Variants in NEIL2 observed in about 807,000 individuals in gnomAD.
NEIL2 encodes nei like DNA glycosylase 2, also known as endonuclease 8-like 2.
In NEIL2, 23 loss-of-function variants were observed where a neutral mutation model predicts 22.2. That is an observed-to-expected ratio of 1.04 (90% CI 0.75 to 1.47). The LOEUF is 1.47. Ranked by LOEUF, NEIL2 falls within the 40% of genes most tolerant of loss-of-function variation. The pLI is 0.00. For missense variants in NEIL2, 583 were observed against 404.7 expected (o/e 1.44, Z -3.78); for synonymous variants, 229 against 164.8 (o/e 1.39, Z -2.99).
At chr8:11,780,003 C>A in intron 3 of NEIL2, 53 bp downstream of exon 3, 1 of 1,493,858 alleles carries the variant, frequency 6.7e-7, no homozygotes, top group Non-Finnish European at 9.3e-7. Context: ...TAGGGCCCTG[C>A]TTGGTGGGGT....
intron 4 of NEIL2, among the ~76,000 whole-genome samples, chr8:11,785,114 C>G (rs1804781911): frequency 6.6e-6 from 1 of 152,132 alleles, no homozygotes; most frequent in African/African-American, 2.4e-5. Flanking sequence ...TTAAATGATC[C>G]TCCTGCCTCT....
At chr8:11,779,535 T>C in intron 2 of NEIL2, 63 bp from the exon 3 acceptor site, 1 of 1,278,252 alleles carries the variant, frequency 7.8e-7, no homozygotes, top group Non-Finnish European at 1.1e-6. Flanking sequence ...AGGATAAATA[T>C]CCGCATTCCC....
In NEIL2 at chr8:11,770,323, C is replaced by G. The variant is rs1222646060; in HGVS notation, c.-15C>G. On this transcript the variant is annotated 5_prime_UTR_variant, in exon 1 of 5. The change creates a new upstream start codon in the 5' untranslated region. Transcript: ENST00000284503. ...TTCCCCGTAGAAGAGGATCAGGCAT[C>G]CAACTGGTTAAGGTCAGCAGCGTTT... 6.6e-6 allele frequency: 1 copy of G among 152,202 alleles called. No homozygotes were observed. Among genetic ancestry groups the G allele is most frequent in the East Asian group, 1.9e-4 (1 of 5,188 alleles). The allele number at this position is 152,202 out of a possible 1,614,324, so 9.4% of individuals were successfully genotyped here.
At position 11,786,129 on chromosome 8, in the gene NEIL2, C is replaced by G; in HGVS notation, c.855C>G (p.Val285=). 1 of 1,614,126 alleles carries G rather than the reference C, an allele frequency of 6.2e-7. No individual in the cohort carries two copies. ...KFQGRPQHTQ[V]YQKEQCPAGH... ...AAGGCAGACCGCAGCACACACAGGTCTACCAGAAAGAACAGTGCCCTGCTG... is the reference window on the plus strand; with the variant it reads ...AAGGCAGACCGCAGCACACACAGGTGTACCAGAAAGAACAGTGCCCTGCTG... Residue 285 remains valine (V), a synonymous_variant, in exon 5 of 5, where the codon GTC becomes GTG. Transcript: ENST00000284503.
intron 2 of NEIL2, among the ~76,000 whole-genome samples, chr8:11,775,912 C>G (rs1381096702): frequency 6.6e-6 from 1 of 152,196 alleles, no homozygotes; most frequent in Non-Finnish European, 1.5e-5. Context: ...CTAGGAAGTT[C>G]CAAACTTTCC....
chr8:11,780,234 A>G (rs1804292012), intron 3 of NEIL2, among the ~76,000 whole-genome samples: 1 of 152,180 alleles, frequency 6.6e-6, no homozygotes, highest in Admixed American at 6.5e-5. Flanking sequence ...AGAACATTTT[A>G]TTGCCTGACT....
At chr8:11,773,435 G>C (rs1431665755) in intron 2 of NEIL2, among the ~76,000 whole-genome samples, 1 of 152,148 alleles carries the variant, frequency 6.6e-6, no homozygotes, top group Non-Finnish European at 1.5e-5. Flanking sequence ...ACTTAGAACT[G>C]AATTGAGAAC....
chr8:11,770,206 C>A lies in NEIL2; in HGVS notation c.-132C>A, dbSNP rs1356920080. ...CAGAGGCGGCTTGCTTCCCACCTGT[C>A]CATCTCCATAAAAATCCCTAAACGA... On this transcript the variant is annotated 5_prime_UTR_variant, in exon 1 of 5. Coordinates refer to ENST00000284503, the MANE Select transcript of NEIL2 (RefSeq NM_145043.4). 1 of 152,204 alleles carries A rather than the reference C, an allele frequency of 6.6e-6. No homozygotes were observed. Among genetic ancestry groups the A allele is most frequent in the African/African-American group, 2.4e-5 (1 of 41,436 alleles). The allele number at this position is 152,204 out of a possible 1,614,324, so 9.4% of individuals were successfully genotyped here. A position where few individuals can be genotyped will look rare whatever the true frequency, so the allele number is the denominator to read the frequency against.
At position 11,787,272 on chromosome 8, in the gene NEIL2, A is replaced by T. The variant is rs889568960; in HGVS notation, c.*999A>T. The T allele has an allele frequency of 6.6e-6, 1 of 152,440 alleles. No individual in the cohort carries two copies. Among genetic ancestry groups the T allele is most frequent in the Non-Finnish European group, 1.5e-5 (1 of 68,028 alleles). The allele number at this position is 152,440 out of a possible 1,614,324, so 9.4% of individuals were successfully genotyped here. On this transcript the variant is annotated 3_prime_UTR_variant, in exon 5 of 5. Transcript: ENST00000284503. The stretch of plus-strand genomic sequence containing the variant: ...TTCAGGAATCAAGGGCTGTGGAGAA[A>T]CTCCCTCATGTTGTTGGCAACAGGT...
chr8:11,783,234 C>G lies in NEIL2; in HGVS notation c.523C>G (p.Leu175Val), dbSNP rs749017361. The G allele has an allele frequency of 3.7e-6, 6 of 1,614,228 alleles. No individual in the cohort carries two copies. In the East Asian group the frequency reaches 8.9e-5, roughly 24 times the overall value. ...LVLHFGGGGF[L>V]AFYNCQLSWS... ...CCTGCACTTTGGTGGTGGTGGCTTC[C>G]TGGCATTTTATAATTGTCAGTTGTC... is the stretch of plus-strand genomic sequence containing the variant. Residue 175 changes from leucine (L) to valine (V), a missense_variant, in exon 4 of 5, where the codon CTG becomes GTG. Transcript: ENST00000284503.
Position 11,786,499 on chromosome 8 carries a change from C to G in NEIL2, c.*226C>G. The stretch of plus-strand genomic sequence containing the variant: ...AGTTAATTCATCCTGTTGAATTGCA[C>G]CATCGTGAAAGATGGGAAAAATCGT... On this transcript the variant is annotated 3_prime_UTR_variant, in exon 5 of 5. Coordinates refer to ENST00000284503, the MANE Select transcript of NEIL2 (RefSeq NM_145043.4). The G allele has an allele frequency of 1.7e-6, 1 of 587,356 alleles. No individual in the cohort carries two copies. Among genetic ancestry groups the G allele is most frequent in the East Asian group, 2.9e-5 (1 of 34,516 alleles). 36.4% of individuals were successfully genotyped at this position (587,356 alleles called of 1,614,324 possible). A position where few individuals can be genotyped will look rare whatever the true frequency, so the allele number is the denominator to read the frequency against.
intron 3 of NEIL2, chr8:11,782,826 TTG>T: frequency 2.8e-6 from 1 of 352,796 alleles, no homozygotes; most frequent in Non-Finnish European, 5.4e-6. Context: ...CAGAGTGTGC[TTG>T]GACTATATTG....
intron 4 of NEIL2, 88 bp downstream of exon 4, chr8:11,783,487 T>C: frequency 1.8e-6 from 2 of 1,110,064 alleles, no homozygotes; most frequent in South Asian, 2.5e-5. Flanking sequence ...AGGGCCACCC[T>C]AGTTGTGCCA....
intron 4 of NEIL2, among the ~76,000 whole-genome samples, 191 bp downstream of exon 4, chr8:11,783,590 C>A (rs1363269806): frequency 6.6e-6 from 1 of 152,228 alleles, no homozygotes; most frequent in Non-Finnish European, 1.5e-5. Flanking sequence ...CAGTTTTTAA[C>A]TTGTCTCTCT....
intron 2 of NEIL2, among the ~76,000 whole-genome samples, chr8:11,773,532 C>G (rs1386657302): frequency 6.6e-6 from 1 of 152,110 alleles, no homozygotes; most frequent in Non-Finnish European, 1.5e-5. Flanking sequence ...GGTAATGACC[C>G]TGACAGGAAG....
At chr8:11,779,467 C>A (rs1804200190) in intron 2 of NEIL2, 131 bp from the exon 3 acceptor site, 2 of 801,614 alleles carry the variant, frequency 2.5e-6, no homozygotes, top group Non-Finnish European at 4.3e-6. Flanking sequence ...AAGGCAGAGT[C>A]CAAAGACTTC....
At chr8:11,785,471 C>G (rs1480263118) in intron 4 of NEIL2, among the ~76,000 whole-genome samples, 3 of 152,214 alleles carry the variant, frequency 2.0e-5, no homozygotes, top group Admixed American at 6.5e-5. Flanking sequence ...GCTGGGATTA[C>G]AGGAATGCGC....
rs559032217 is a variant in NEIL2 at position 11,779,772 on chromosome 8, G to A, written c.313G>A (p.Ala105Thr). 1 of 1,614,220 alleles carries A rather than the reference G, an allele frequency of 6.2e-7. No homozygotes were observed. The highest frequency in any genetic ancestry group is 8.5e-7 in the Non-Finnish European group (1 of 1,180,038). ...QKTLDGSSRS[A>T]ELVPQGEDDS... The stretch of plus-strand genomic sequence containing the variant: ...GACCCTTGATGGATCCTCACGGTCT[G>A]CAGAGCTCGTCCCCCAGGGCGAGGA... The change falls in exon 3 of 5, where the codon GCA becomes ACA. Residue 105 changes from alanine to threonine, a missense_variant. Transcript: ENST00000284503.
intron 4 of NEIL2, 58 bp downstream of exon 4, chr8:11,783,457 T>C: frequency 6.6e-7 from 1 of 1,524,714 alleles, no homozygotes; most frequent in Non-Finnish European, 9.1e-7. Flanking sequence ...AAGTCGGTCC[T>C]GTGGGAGTCA....
Sources: gnomAD v4.1 joint callset for allele counts (sites outside exome capture counted in the v4.1 genomes callset) on GRCh38, gnomAD v4.1.1 for gene constraint, MANE v1.5 for transcripts, NCBI Gene and HGNC (gene_info 2026-07-23, HGNC 2026-07-21) for gene names.